Variants in TMC1 observed in about 807,000 individuals in gnomAD.
TMC1 encodes transmembrane channel like 1.
TMC1 carries 84 observed loss-of-function variants against 105.8 expected under a neutral mutation model. The observed-to-expected ratio is 0.79, with a 90% CI of 0.67 to 0.95. TMC1 has a LOEUF of 0.95. Among genes scored for constraint, TMC1 ranks in the 40% least tolerant of loss-of-function variants. TMC1 has a pLI of 0.00. For missense variants in TMC1, 817 were observed against 914.1 expected (o/e 0.89, Z 1.37); for synonymous variants, 315 against 311.5 (o/e 1.01, Z -0.12).
intron 15 of TMC1, among the ~76,000 whole-genome samples, chr9:72,789,998 G>A (rs563793484): frequency 6.6e-6 from 1 of 152,288 alleles, no homozygotes; most frequent in Non-Finnish European, 1.5e-5. Context: ...TGCCTTTAGA[G>A]TATCTGCCCA....
intron 12 of TMC1, among the ~76,000 whole-genome samples, chr9:72,772,088 C>A (rs187574788): frequency 6.6e-6 from 1 of 152,128 alleles, no homozygotes; most frequent in Non-Finnish European, 1.5e-5. Context: ...CTCTTAAAAT[C>A]GTAAATCTAA....
chr9:72,571,573 A>G (rs563567694), intron 1 of TMC1, among the ~76,000 whole-genome samples: 1 of 150,524 alleles, frequency 6.6e-6, no homozygotes, highest in African/African-American at 2.4e-5. Context: ...CAGCCTCCCG[A>G]GTGGCTGTGA....
chr9:72,754,342 C>T (rs553044832), intron 11 of TMC1, among the ~76,000 whole-genome samples: 2 of 152,300 alleles, frequency 1.3e-5, no homozygotes, highest in East Asian at 3.9e-4. Context: ...GATTGGATTT[C>T]CTTGAGTTCT....
At chr9:72,752,022 C>A (rs889628028) in intron 11 of TMC1, 66 bp downstream of exon 11, 3 of 1,039,658 alleles carry the variant, frequency 2.9e-6, no homozygotes, top group Admixed American at 3.4e-5. Flanking sequence ...GTATTTATCT[C>A]TTCTTTAAAG....
intron 12 of TMC1, among the ~76,000 whole-genome samples, chr9:72,761,855 G>A (rs1408028410): frequency 6.6e-6 from 1 of 152,224 alleles, no homozygotes; most frequent in Non-Finnish European, 1.5e-5. Flanking sequence ...CACAGGTAGA[G>A]GAGATATTTT....
chr9:72,700,717 T>A, intron 8 of TMC1, 74 bp downstream of exon 8: 1 of 165,866 alleles, frequency 6.0e-6, no homozygotes, highest in East Asian at 8.0e-5. Flanking sequence ...ATATTCCATA[T>A]ATATATATAT....
Position 72,788,497 on chromosome 9 carries a change from C to T in TMC1, c.1029+14C>T. The stretch of plus-strand genomic sequence containing the variant: ...ATGAACTTTAAGGTAGAGGCACCAA[C>T]TTCAAAAACCTGCTGTTTGTATTTC... On this transcript the variant is annotated intron_variant, in intron 14 of 23. Coordinates refer to ENST00000297784, the MANE Select transcript of TMC1 (RefSeq NM_138691.3). 6.2e-7 allele frequency: 1 copy of T among 1,613,746 alleles called. No individual in the cohort carries two copies. Among genetic ancestry groups the T allele is most frequent in the Non-Finnish European group, 8.5e-7 (1 of 1,179,672 alleles).
At chr9:72,575,370 G>A (rs957945848) in intron 1 of TMC1, among the ~76,000 whole-genome samples, 15 of 151,972 alleles carry the variant, frequency 9.9e-5, no homozygotes, top group East Asian at 5.8e-4. Flanking sequence ...TAGTACTGAC[G>A]GGGTTTCACC....
At chr9:72,559,422 C>T (rs1824006819) in intron 1 of TMC1, among the ~76,000 whole-genome samples, 1 of 152,154 alleles carries the variant, frequency 6.6e-6, no homozygotes, top group Admixed American at 6.5e-5. Flanking sequence ...AAAAATAACT[C>T]ATACCAGAAA....
At chr9:72,739,383 A>T (rs1827351914) in intron 8 of TMC1, among the ~76,000 whole-genome samples, 1 of 152,236 alleles carries the variant, frequency 6.6e-6, no homozygotes, top group African/African-American at 2.4e-5. Flanking sequence ...CATTCAGTCT[A>T]TAACAATGAT....
intron 1 of TMC1, among the ~76,000 whole-genome samples, chr9:72,545,950 C>T (rs202174166): frequency 1.4e-5 from 2 of 146,018 alleles, no homozygotes; most frequent in East Asian, 4.0e-4. Context: ...TGTCATCGCT[C>T]AAAAAAAAAA....
chr9:72,641,458 C>A (rs1825625890), intron 4 of TMC1, among the ~76,000 whole-genome samples: 1 of 152,176 alleles, frequency 6.6e-6, no homozygotes, highest in Non-Finnish European at 1.5e-5. Context: ...CTTCACTGTC[C>A]TCCAGTAGAA....
intron 1 of TMC1, among the ~76,000 whole-genome samples, chr9:72,545,630 G>C (rs1823753896): frequency 6.6e-6 from 1 of 152,026 alleles, no homozygotes; most frequent in South Asian, 2.1e-4. Context: ...TGGGATTAGA[G>C]GCACCTGCCA....
At chr9:72,806,344 G>T (rs1230889737) in intron 18 of TMC1, among the ~76,000 whole-genome samples, 1 of 147,756 alleles carries the variant, frequency 6.8e-6, no homozygotes. Flanking sequence ...CTGGCCGGGT[G>T]GGGGGCTGAC....
rs1829129642 is a variant in TMC1 at position 72,836,603 on chromosome 9, TGG to T, written c.*633_*634del. On this transcript the variant is annotated 3_prime_UTR_variant, in exon 24 of 24. Coordinates refer to ENST00000297784, the MANE Select transcript of TMC1 (RefSeq NM_138691.3). Reference sequence around the variant, plus strand: ...GAAGAAAAAAAAATCCTATATGAATTGGGGCCTGGATAGCACTGAGTTGAAGA... The same window carrying T: ...GAAGAAAAAAAAATCCTATATGAATTGGCCTGGATAGCACTGAGTTGAAGA... The T allele has an allele frequency of 6.5e-6, 1 of 153,354 alleles. No homozygotes were observed. Among genetic ancestry groups the T allele is most frequent in the Admixed American group, 6.5e-5 (1 of 15,486 alleles). The allele number at this position is 153,354 out of a possible 1,614,324, so 9.5% of individuals were successfully genotyped here. A position where few individuals can be genotyped will look rare whatever the true frequency, so the allele number is the denominator to read the frequency against.
chr9:72,618,024 T>C, intron 3 of TMC1, among the ~76,000 whole-genome samples: 1 of 112,884 alleles, frequency 8.9e-6, no homozygotes, highest in South Asian at 2.5e-4. Context: ...GGGTACATCT[T>C]TTTTTTTTTT....
At chr9:72,642,732 T>C (rs1382431543) in intron 4 of TMC1, among the ~76,000 whole-genome samples, 1 of 152,242 alleles carries the variant, frequency 6.6e-6, no homozygotes, top group African/African-American at 2.4e-5. Flanking sequence ...GTTTTTCTAC[T>C]TTTTCTTCGT....
At chr9:72,526,861 G>A (rs1457655629) in intron 1 of TMC1, among the ~76,000 whole-genome samples, 4 of 152,180 alleles carry the variant, frequency 2.6e-5, no homozygotes, top group Non-Finnish European at 5.9e-5. Context: ...CAGCCCATGA[G>A]GAACTCTTCC....
intron 5 of TMC1, among the ~76,000 whole-genome samples, chr9:72,650,735 T>TA (rs1825790815): frequency 1.3e-5 from 2 of 151,500 alleles, no homozygotes; most frequent in African/African-American, 4.9e-5. Context: ...ATCATACTTA[T>TA]AAATGAGAAC....
Sources: gnomAD v4.1 joint callset for allele counts (sites outside exome capture counted in the v4.1 genomes callset) on GRCh38, gnomAD v4.1.1 for gene constraint, MANE v1.5 for transcripts, NCBI Gene and HGNC (gene_info 2026-07-23, HGNC 2026-07-21) for gene names.